Variants in LRRTM4 observed in about 807,000 individuals in gnomAD.
The protein encoded by LRRTM4 is leucine rich repeat transmembrane neuronal 4.
LRRTM4 carries 25 observed loss-of-function variants against 47.6 expected under a neutral mutation model. That is an observed-to-expected ratio of 0.53 (90% CI 0.38 to 0.73). The LOEUF is 0.73. Among genes scored for constraint, LRRTM4 ranks in the 30% least tolerant of loss-of-function variants. The pLI, the probability that LRRTM4 is intolerant of heterozygous loss-of-function variation, is 0.00. For missense variants in LRRTM4, 638 were observed against 713.4 expected, an observed-to-expected ratio of 0.89 and a Z score of 1.20; for synonymous variants, 311 against 269.5, an observed-to-expected ratio of 1.15 and a Z score of -1.51.
chr2:77,021,401 C>T (rs888435556), intron 3 of LRRTM4, among the ~76,000 whole-genome samples: 3 of 152,102 alleles, frequency 2.0e-5, no homozygotes, highest in Admixed American at 1.3e-4. Context: ...TGACTCACTT[C>T]TGTCATCTAC....
chr2:77,218,158 C>T (rs1360858355), intron 3 of LRRTM4, among the ~76,000 whole-genome samples: 3 of 152,088 alleles, frequency 2.0e-5, no homozygotes. Flanking sequence ...CCATGCCTGA[C>T]TAATTTTGTA....
At chr2:77,162,227 T>C (rs990206744) in intron 3 of LRRTM4, among the ~76,000 whole-genome samples, 1 of 152,146 alleles carries the variant, frequency 6.6e-6, no homozygotes, top group Non-Finnish European at 1.5e-5. Flanking sequence ...TCACTGCTAG[T>C]ACAGCAGTCT....
intron 3 of LRRTM4, among the ~76,000 whole-genome samples, chr2:76,774,705 C>T (rs1358596346): frequency 1.3e-5 from 2 of 152,036 alleles, no homozygotes; most frequent in African/African-American, 4.8e-5. Flanking sequence ...GAGAGTCAGG[C>T]ACATTCCGTG....
chr2:77,453,989 G>A (rs1312275165), intron 3 of LRRTM4, among the ~76,000 whole-genome samples: 2 of 152,012 alleles, frequency 1.3e-5, no homozygotes, highest in South Asian at 2.1e-4. Flanking sequence ...ATGTCAATTC[G>A]AAGTTTCTTT....
intron 3 of LRRTM4, among the ~76,000 whole-genome samples, chr2:77,167,687 C>A (rs1284157929): frequency 3.3e-5 from 5 of 152,110 alleles, no homozygotes; most frequent in African/African-American, 1.2e-4. Context: ...TCATTCTGAG[C>A]AAACTATCAC....
chr2:77,021,410 A>G (rs1678265613), intron 3 of LRRTM4, among the ~76,000 whole-genome samples: 3 of 152,156 alleles, frequency 2.0e-5, no homozygotes, highest in Admixed American at 2.0e-4. Flanking sequence ...TCTGTCATCT[A>G]CACATTAAGA....
At chr2:77,156,833 A>G (rs571680119) in intron 3 of LRRTM4, among the ~76,000 whole-genome samples, 1 of 151,982 alleles carries the variant, frequency 6.6e-6, no homozygotes, top group South Asian at 2.1e-4. Flanking sequence ...CCGCCTCCCA[A>G]AGTGATGGGA....
At chr2:77,017,814 A>C (rs1016777875) in intron 3 of LRRTM4, among the ~76,000 whole-genome samples, 2 of 152,098 alleles carry the variant, frequency 1.3e-5, no homozygotes, top group African/African-American at 4.8e-5. Flanking sequence ...CTTTTTTATA[A>C]ATTTCTAGAC....
chr2:77,011,797 G>A (rs761947532), intron 3 of LRRTM4, among the ~76,000 whole-genome samples: 25 of 151,986 alleles, frequency 1.6e-4, no homozygotes, highest in Non-Finnish European at 2.9e-4. Context: ...TATCTGAGTC[G>A]TTTCTCCCTT....
At chr2:77,182,523 C>T (rs1673378136) in intron 3 of LRRTM4, among the ~76,000 whole-genome samples, 2 of 151,982 alleles carry the variant, frequency 1.3e-5, no homozygotes, top group Admixed American at 1.3e-4. Context: ...GCACATTCTG[C>T]ACATGTATCC....
chr2:77,321,558 G>A (rs74615062), intron 3 of LRRTM4, among the ~76,000 whole-genome samples: 2 of 72,880 alleles, frequency 2.7e-5, no homozygotes, highest in Non-Finnish European at 5.3e-5. Flanking sequence ...GGGGAGGGGG[G>A]GGGGTGTGTG....
chr2:77,178,839 G>T (rs569914766), intron 3 of LRRTM4, among the ~76,000 whole-genome samples: 4 of 152,108 alleles, frequency 2.6e-5, no homozygotes, highest in South Asian at 4.1e-4. Flanking sequence ...TGCACCAAAA[G>T]GTATAATTTT....
chr2:76,782,657 G>C (rs1243581580), intron 3 of LRRTM4, among the ~76,000 whole-genome samples: 1 of 151,960 alleles, frequency 6.6e-6, no homozygotes, highest in Admixed American at 6.6e-5. Context: ...CTTACATTTT[G>C]ATACCTGTTA....
chr2:76,807,933 CTTTCTTTCTTT>C (rs1670591058), intron 3 of LRRTM4, among the ~76,000 whole-genome samples: 1 of 124,590 alleles, frequency 8.0e-6, no homozygotes, highest in African/African-American at 3.3e-5. Context: ...CTTTCCTTTC[CTTTCTTTCTTT>C]CTTTCTTTCT....
intron 3 of LRRTM4, among the ~76,000 whole-genome samples, chr2:77,026,318 G>A (rs1441176765): frequency 2.0e-5 from 3 of 152,106 alleles, no homozygotes; most frequent in Admixed American, 6.5e-5. Flanking sequence ...TAACTCAACA[G>A]ATAAAAGAAA....
intron 3 of LRRTM4, among the ~76,000 whole-genome samples, chr2:76,883,145 T>G (rs970211989): frequency 4.6e-5 from 7 of 152,082 alleles, no homozygotes; most frequent in Admixed American, 4.6e-4. Context: ...TATGTGAAAC[T>G]CATCTTCAAT....
At chr2:76,969,808 C>A (rs1337260451) in intron 3 of LRRTM4, among the ~76,000 whole-genome samples, 2 of 151,952 alleles carry the variant, frequency 1.3e-5, no homozygotes. Flanking sequence ...TCACAACCAA[C>A]ACAAGAGTTG....
chr2:76,837,064 T>C (rs966812899), intron 3 of LRRTM4, among the ~76,000 whole-genome samples: 1 of 152,174 alleles, frequency 6.6e-6, no homozygotes, highest in African/African-American at 2.4e-5. Flanking sequence ...TGGAAGATCC[T>C]GTTATTGGTC....
chr2:76,794,962 T>TTAATCTAAGG (rs1675191125), intron 3 of LRRTM4, among the ~76,000 whole-genome samples: 1 of 152,124 alleles, frequency 6.6e-6, no homozygotes, highest in African/African-American at 2.4e-5. Flanking sequence ...GAAGAATATC[T>TTAATCTAAGG]TAATCTAAGG....
Sources: gnomAD v4.1 joint callset for allele counts (sites outside exome capture counted in the v4.1 genomes callset) on GRCh38, gnomAD v4.1.1 for gene constraint, MANE v1.5 for transcripts, NCBI Gene and HGNC (gene_info 2026-07-23, HGNC 2026-07-21) for gene names.